The following FGF10 variants were observed in gnomAD, a reference collection of about 807,000 sequenced individuals.
FGF10 encodes the protein fibroblast growth factor 10, also known as FGF-10.
A neutral mutation model predicts 19.8 loss-of-function variants in FGF10; 2 were observed. The ratio of observed to expected loss-of-function variants is 0.10; its 90% CI spans 0.04 to 0.32. FGF10 has a LOEUF of 0.32. FGF10 is among the 10% of genes least tolerant of loss of function. The pLI is 1.00. For synonymous variants in FGF10, 112 were observed against 94.0 expected (o/e 1.19, Z -1.10); for missense variants, 191 against 246.3 (o/e 0.78, Z 1.50).
At chr5:44,336,128 T>C (rs1347547514) in intron 1 of FGF10, among the ~76,000 whole-genome samples, 1 of 152,082 alleles carries the variant, frequency 6.6e-6, no homozygotes, top group Non-Finnish European at 1.5e-5. Context: ...TTCATCAGTA[T>C]TTCATTAATG....
chr5:44,365,408 T>C (rs1741584917), intron 1 of FGF10, among the ~76,000 whole-genome samples: 1 of 151,864 alleles, frequency 6.6e-6, no homozygotes, highest in Admixed American at 6.6e-5. Context: ...CTTCTTTCTT[T>C]ATAAATCCTG....
At chr5:44,373,071 T>C (rs899511127) in intron 1 of FGF10, among the ~76,000 whole-genome samples, 3 of 152,170 alleles carry the variant, frequency 2.0e-5, no homozygotes, top group African/African-American at 7.2e-5. Context: ...TGCTCTGTCT[T>C]TGTCTATTTT....
intron 1 of FGF10, among the ~76,000 whole-genome samples, chr5:44,347,171 G>A (rs1741108070): frequency 6.6e-6 from 1 of 151,652 alleles, no homozygotes; most frequent in South Asian, 2.1e-4. Flanking sequence ...TATCCCTCAT[G>A]AAGTTAAGCA....
At chr5:44,360,053 A>G (rs1741439578) in intron 1 of FGF10, among the ~76,000 whole-genome samples, 1 of 151,434 alleles carries the variant, frequency 6.6e-6, no homozygotes, top group African/African-American at 2.4e-5. Context: ...TCCTGACAGC[A>G]CTGAAAAACA....
At chr5:44,334,607 C>A (rs919052296) in intron 1 of FGF10, among the ~76,000 whole-genome samples, 3 of 152,064 alleles carry the variant, frequency 2.0e-5, no homozygotes, top group South Asian at 2.1e-4. Flanking sequence ...GGATTGGACA[C>A]AATAAATGTC....
chr5:44,343,248 A>G (rs1439759404), intron 1 of FGF10, among the ~76,000 whole-genome samples: 1 of 152,082 alleles, frequency 6.6e-6, no homozygotes, highest in Non-Finnish European at 1.5e-5. Context: ...AAGTCTTATC[A>G]AATGACAAGA....
In FGF10 at chr5:44,313,491, C is replaced by T. The variant is rs547532530; in HGVS notation, c.326-2961G>A. 2.0e-5 allele frequency among the ~76,000 whole-genome samples: 3 copies of T among 151,910 alleles called. No homozygotes were observed. The East Asian group carries it at 5.8e-4, about 29-fold the overall frequency. On this transcript the variant is annotated intron_variant, in intron 1 of 2. Coordinates refer to ENST00000264664, the MANE Select transcript of FGF10 (RefSeq NM_004465.2). ...ACTAAATGCCAGTTAAAAGAGCCTC[C>T]TGGAGGAAAGTGAGTTAAGGGCATA...
chr5:44,309,863 G>A (rs1740167405), intron 2 of FGF10, among the ~76,000 whole-genome samples: 1 of 151,980 alleles, frequency 6.6e-6, no homozygotes, highest in South Asian at 2.1e-4. Context: ...GGACCCTATT[G>A]CAAAGAATAT....
At chr5:44,308,029 CCTCA>C (rs1740123138) in intron 2 of FGF10, among the ~76,000 whole-genome samples, 1 of 152,170 alleles carries the variant, frequency 6.6e-6, no homozygotes, top group Non-Finnish European at 1.5e-5. Flanking sequence ...ACAAGACTGA[CCTCA>C]CTCTCTCCAA....
intron 2 of FGF10, among the ~76,000 whole-genome samples, chr5:44,307,353 T>A (rs966686417): frequency 6.6e-6 from 1 of 152,158 alleles, no homozygotes; most frequent in African/African-American, 2.4e-5. Context: ...GGAGTTTTTT[T>A]AAAAGAAGTT....
chr5:44,316,114 C>T (rs1326589614), intron 1 of FGF10, among the ~76,000 whole-genome samples: 3 of 152,102 alleles, frequency 2.0e-5, no homozygotes, highest in Non-Finnish European at 2.9e-5. Flanking sequence ...CACAGGAGTG[C>T]GAACCCTACT....
At chr5:44,318,181 C>T (rs192018485) in intron 1 of FGF10, among the ~76,000 whole-genome samples, 19 of 152,050 alleles carry the variant, frequency 1.2e-4, no homozygotes, top group African/African-American at 3.4e-4. Flanking sequence ...GGATAAATTG[C>T]GGGAAATGGT....
chr5:44,344,573 T>TGTGTGTGG (rs1741043069), intron 1 of FGF10, among the ~76,000 whole-genome samples: 1 of 139,722 alleles, frequency 7.2e-6, no homozygotes, highest in Non-Finnish European at 1.5e-5. Flanking sequence ...TTTCTCTGTG[T>TGTGTGTGG]GTGTGTGTGT....
At chr5:44,353,447 C>A (rs1741279502) in intron 1 of FGF10, among the ~76,000 whole-genome samples, 1 of 151,510 alleles carries the variant, frequency 6.6e-6, no homozygotes, top group Non-Finnish European at 1.5e-5. Context: ...TGTAACTAAA[C>A]CCTCATTATT....
chr5:44,321,595 T>C lies in FGF10; in HGVS notation c.326-11065A>G, dbSNP rs565219718. 2.6e-5 allele frequency among the ~76,000 whole-genome samples: 4 copies of C among 152,304 alleles called. No individual in the cohort carries two copies. In the South Asian group the frequency reaches 8.3e-4, roughly 32 times the overall value. On this transcript the variant is annotated intron_variant, in intron 1 of 2. Transcript: ENST00000264664. ...CAAAGAGGTCGCTTCTGAATGTGAG[T>C]CTATGCACTGTGTCATCTACAGAGA... is the stretch of plus-strand genomic sequence containing the variant.
intron 1 of FGF10, among the ~76,000 whole-genome samples, chr5:44,357,995 A>G (rs1056180477): frequency 6.6e-6 from 1 of 151,368 alleles, no homozygotes. Flanking sequence ...CGTGTACCCA[A>G]GAGGCTGAGT....
rs147024280 is a variant in FGF10 at position 44,312,121 on chromosome 5, A to T, written c.326-1591T>A. On this transcript the variant is annotated intron_variant, in intron 1 of 2. Coordinates refer to ENST00000264664, the MANE Select transcript of FGF10 (RefSeq NM_004465.2). ...ATTTGCAAGCCAAAACCAAGGAAAG[A>T]TTGTGAAGGATGAAGGAGACATTAT... 3.3e-5 allele frequency among the ~76,000 whole-genome samples: 5 copies of T among 152,096 alleles called. No individual in the cohort carries two copies. In the East Asian group the frequency reaches 9.7e-4, roughly 29 times the overall value.
At chr5:44,372,951 C>A (rs1741774906) in intron 1 of FGF10, among the ~76,000 whole-genome samples, 1 of 152,186 alleles carries the variant, frequency 6.6e-6, no homozygotes, top group Admixed American at 6.5e-5. Flanking sequence ...GTACCCAAGG[C>A]TCTGCACTCA....
chr5:44,340,904 A>AAAAG (rs943568459), intron 1 of FGF10, among the ~76,000 whole-genome samples: 18 of 151,866 alleles, frequency 1.2e-4, no homozygotes, highest in African/African-American at 3.9e-4. Context: ...GAGACAAAAC[A>AAAAG]AAAGAAAGAA....
Sources: gnomAD v4.1 joint callset for allele counts (sites outside exome capture counted in the v4.1 genomes callset) on GRCh38, gnomAD v4.1.1 for gene constraint, MANE v1.5 for transcripts, NCBI Gene and HGNC (gene_info 2026-07-23, HGNC 2026-07-21) for gene names.